Variants in DLG2 observed in about 807,000 individuals in gnomAD.
The protein encoded by DLG2 is disks large homolog 2.
In DLG2, 45 loss-of-function variants were observed where a neutral mutation model predicts 132.5. The ratio of observed to expected loss-of-function variants is 0.34; its 90% CI spans 0.27 to 0.44. The LOEUF (loss-of-function observed/expected upper bound fraction) is 0.44. DLG2 is among the 20% of genes least tolerant of loss of function. The probability of loss-of-function intolerance (pLI) is 1.00; values close to 1 mark genes in which losing one functional copy is unlikely to be tolerated. For missense variants in DLG2, 1,045 were observed against 1,196.9 expected (o/e 0.87, Z 1.87); for synonymous variants, 424 against 419.6 (o/e 1.01, Z -0.13).
intron 25 of DLG2, among the ~76,000 whole-genome samples, chr11:83,468,889 A>G (rs1220619357): frequency 6.6e-6 from 1 of 152,188 alleles, no homozygotes; most frequent in Non-Finnish European, 1.5e-5. Context: ...CAGGAATGCT[A>G]TCCCCTTGGT....
chr11:85,116,445 C>A (rs565044), intron 5 of DLG2, among the ~76,000 whole-genome samples: 54,332 of 151,656 alleles, frequency 0.36, 9,988 homozygotes, highest in South Asian at 0.56. Context: ...ACATACACAT[C>A]ATGTGTTCAT....
intron 6 of DLG2, among the ~76,000 whole-genome samples, chr11:84,798,744 A>G (rs2075000643): frequency 6.6e-6 from 1 of 152,170 alleles, no homozygotes; most frequent in African/African-American, 2.4e-5. Context: ...CCTGGCTATT[A>G]CTGTTGGTTA....
chr11:84,321,882 C>T (rs959648201), intron 7 of DLG2, among the ~76,000 whole-genome samples: 27 of 152,252 alleles, frequency 1.8e-4, no homozygotes, highest in Non-Finnish European at 1.5e-4. Flanking sequence ...CCCTGAATAC[C>T]GGGTCACCTT....
chr11:85,611,902 G>A (rs1194138197), intron 2 of DLG2, among the ~76,000 whole-genome samples: 2 of 152,084 alleles, frequency 1.3e-5, no homozygotes, highest in Non-Finnish European at 2.9e-5. Context: ...GCAGCTGGCA[G>A]AGGCAGGGAA....
chr11:84,880,054 A>C (rs1436284461), intron 6 of DLG2, among the ~76,000 whole-genome samples: 2 of 152,144 alleles, frequency 1.3e-5, no homozygotes, highest in East Asian at 3.9e-4. Flanking sequence ...AAGCACAAGA[A>C]TCATACTATT....
intron 6 of DLG2, among the ~76,000 whole-genome samples, chr11:84,822,695 G>T (rs1482217922): frequency 6.6e-6 from 1 of 151,834 alleles, no homozygotes; most frequent in Non-Finnish European, 1.5e-5. Context: ...ATTTTCTTAT[G>T]GAGAGAGAAG....
Position 84,365,120 on chromosome 11 carries a change from C to T in DLG2, c.520-113829G>A, listed in dbSNP as rs1281163644. Among the ~76,000 whole-genome samples the T allele has an allele frequency of 3.0e-4, 46 of 152,114 alleles. No individual in the cohort carries two copies. In the East Asian group the frequency reaches 7.6e-3, roughly 25 times the overall value. On this transcript the variant is annotated intron_variant, in intron 7 of 27. Transcript: ENST00000376104. ...TTCTCCTTGTACCTCTGGTAGAATT[C>T]GGCTGTGAATCCATCTGGTCCTGGA...
At chr11:84,643,217 C>G (rs2099670266) in intron 6 of DLG2, among the ~76,000 whole-genome samples, 1 of 152,240 alleles carries the variant, frequency 6.6e-6, no homozygotes, top group Non-Finnish European at 1.5e-5. Flanking sequence ...ATTAGACTGC[C>G]AAATCAGTCT....
intron 7 of DLG2, among the ~76,000 whole-genome samples, chr11:84,257,329 T>C (rs180819914): frequency 1.1e-3 from 169 of 152,304 alleles, no homozygotes; most frequent in Non-Finnish European, 1.5e-3. Flanking sequence ...CCTACTCCTA[T>C]TTGGAGGATT....
chr11:84,837,373 C>A (rs2226856), intron 6 of DLG2, among the ~76,000 whole-genome samples: 1 of 151,370 alleles, frequency 6.6e-6, no homozygotes, highest in Non-Finnish European at 1.5e-5. Flanking sequence ...CTGAATATCT[C>A]AGTTTGAAGA....
intron 9 of DLG2, among the ~76,000 whole-genome samples, chr11:84,130,042 G>T (rs755621309): frequency 6.6e-6 from 1 of 151,934 alleles, no homozygotes; most frequent in African/African-American, 2.4e-5. Context: ...AAAAGTTCTT[G>T]CTCATAAAGC....
intron 6 of DLG2, among the ~76,000 whole-genome samples, chr11:84,934,515 G>GGTTTTTTTTTTTTTTTTT (rs1566441569): frequency 1.7e-4 from 7 of 40,510 alleles, no homozygotes; most frequent in Non-Finnish European, 2.6e-4. Context: ...TTTTTTTTTT[G>GGTTTTTTTTTTTTTTTTT]TTTTGTTTTG....
At chr11:84,822,756 T>C (rs952549108) in intron 6 of DLG2, among the ~76,000 whole-genome samples, 2 of 151,936 alleles carry the variant, frequency 1.3e-5, no homozygotes, top group African/African-American at 2.4e-5. Flanking sequence ...AGAAATACAA[T>C]GAGGATATAA....
At chr11:83,815,846 G>A (rs555948175) in intron 17 of DLG2, among the ~76,000 whole-genome samples, 208 of 152,262 alleles carry the variant, frequency 1.4e-3, no homozygotes, top group African/African-American at 4.1e-3. Context: ...TTCTTCTTTA[G>A]CTCTGTGTGA....
intron 11 of DLG2, among the ~76,000 whole-genome samples, chr11:83,995,588 T>C (rs1047627561): frequency 1.3e-5 from 2 of 152,164 alleles, no homozygotes; most frequent in Non-Finnish European, 2.9e-5. Flanking sequence ...TACAGAGCTA[T>C]AGTAACCAAA....
intron 25 of DLG2, 92 bp from the exon 26 acceptor site, chr11:83,466,909 AG>A: frequency 1.2e-6 from 1 of 817,324 alleles, no homozygotes; most frequent in South Asian, 1.5e-5. Context: ...TTTTAGAGGA[AG>A]GTAGGGGATG....
At chr11:84,429,529 C>G (rs1353220005) in intron 7 of DLG2, among the ~76,000 whole-genome samples, 1 of 152,062 alleles carries the variant, frequency 6.6e-6, no homozygotes, top group African/African-American at 2.4e-5. Context: ...CTTATAGATG[C>G]TAGGTGTCCA....
chr11:85,062,586 T>C (rs1426540704), intron 6 of DLG2, among the ~76,000 whole-genome samples: 1 of 151,578 alleles, frequency 6.6e-6, no homozygotes, highest in Non-Finnish European at 1.5e-5. Flanking sequence ...CCATAGGTCA[T>C]ACAGCTTGTT....
chr11:85,235,804 G>C (rs1281442981), intron 4 of DLG2, among the ~76,000 whole-genome samples: 1 of 151,814 alleles, frequency 6.6e-6, no homozygotes, highest in Non-Finnish European at 1.5e-5. Flanking sequence ...TGAAGGCTTT[G>C]AATGCCAGAA....
Sources: gnomAD v4.1 joint callset for allele counts (sites outside exome capture counted in the v4.1 genomes callset) on GRCh38, gnomAD v4.1.1 for gene constraint, MANE v1.5 for transcripts, NCBI Gene and HGNC (gene_info 2026-07-23, HGNC 2026-07-21) for gene names.